The following MYO5A variants were observed in gnomAD, a reference collection of about 807,000 sequenced individuals.
The protein encoded by MYO5A is unconventional myosin-Va.
In MYO5A, 98 loss-of-function variants were observed where a neutral mutation model predicts 249.7. The ratio of observed to expected loss-of-function variants is 0.39; its 90% CI spans 0.33 to 0.46. MYO5A has a LOEUF of 0.46. Ranked by LOEUF, MYO5A falls within the 20% of genes least tolerant of loss-of-function variation. The pLI, the probability that MYO5A is intolerant of heterozygous loss-of-function variation, is 0.98. For synonymous variants in MYO5A, 778 were observed against 810.6 expected (o/e 0.96, Z 0.68); for missense variants, 1,696 against 2,308.8 (o/e 0.73, Z 5.44).
intron 3 of MYO5A, among the ~76,000 whole-genome samples, chr15:52,426,602 A>C (rs1310610274): frequency 1.3e-5 from 2 of 152,122 alleles, no homozygotes; most frequent in Non-Finnish European, 2.9e-5. Flanking sequence ...AGCTGGGACT[A>C]TGGACACGCA....
At chr15:52,320,018 AG>A (rs2038225554) in intron 38 of MYO5A, among the ~76,000 whole-genome samples, 1 of 152,200 alleles carries the variant, frequency 6.6e-6, no homozygotes, top group Non-Finnish European at 1.5e-5. Context: ...AGGCAAAAAC[AG>A]TAAGAAAAGC....
chr15:52,380,076 T>C (rs2041652737), intron 16 of MYO5A, among the ~76,000 whole-genome samples, 168 bp from the exon 17 acceptor site: 1 of 152,048 alleles, frequency 6.6e-6, no homozygotes, highest in Non-Finnish European at 1.5e-5. Flanking sequence ...TATGAGAGAA[T>C]GGGGAGGAGA....
intron 25 of MYO5A, among the ~76,000 whole-genome samples, chr15:52,356,602 A>T (rs1257677978): frequency 6.6e-6 from 1 of 151,800 alleles, no homozygotes; most frequent in Non-Finnish European, 1.5e-5. Flanking sequence ...ATATTACTAA[A>T]ATAAACACCC....
chr15:52,346,261 A>C (rs1464619930), intron 30 of MYO5A, 100 bp downstream of exon 30: 6 of 745,530 alleles, frequency 8.0e-6, no homozygotes, highest in Non-Finnish European at 7.0e-6. Context: ...AATGTCTAAT[A>C]TAAAGGAATG....
chr15:52,436,778 G>T (rs941345737), intron 1 of MYO5A, among the ~76,000 whole-genome samples: 2 of 152,192 alleles, frequency 1.3e-5, no homozygotes, highest in African/African-American at 4.8e-5. Flanking sequence ...TAAGTAGCAT[G>T]ATTAAAAGCT....
chr15:52,321,616 A>G, intron 37 of MYO5A, 107 bp from the exon 38 acceptor site: 1 of 1,272,876 alleles, frequency 7.9e-7, no homozygotes, highest in Non-Finnish European at 1.1e-6. Context: ...GCTCTGTCCA[A>G]GGAGCTTCCC....
intron 9 of MYO5A, among the ~76,000 whole-genome samples, chr15:52,397,815 A>C (rs1269090781): frequency 6.6e-6 from 1 of 152,240 alleles, no homozygotes; most frequent in Admixed American, 6.5e-5. Flanking sequence ...AGAAAACAAA[A>C]ACAAACATGG....
chr15:52,418,421 A>G (rs941243149), intron 4 of MYO5A, among the ~76,000 whole-genome samples: 1 of 152,212 alleles, frequency 6.6e-6, no homozygotes, highest in Non-Finnish European at 1.5e-5. Context: ...GTCATAGTCA[A>G]TTGAGAGAGA....
upstream of MYO5A, chr15:52,528,892 G>A (rs1034830133): frequency 8.7e-6 from 11 of 1,264,402 alleles, no homozygotes; most frequent in African/African-American, 1.1e-4. Flanking sequence ...GGAAGCGCCC[G>A]CAGCCGCCGG....
chr15:52,341,560 T>C (rs931099578), intron 31 of MYO5A, among the ~76,000 whole-genome samples: 5 of 152,214 alleles, frequency 3.3e-5, no homozygotes, highest in African/African-American at 1.2e-4. Context: ...AACTAACTAA[T>C]GTGAAGAAAG....
chr15:52,359,822 G>C, intron 25 of MYO5A, 146 bp downstream of exon 25: 1 of 663,460 alleles, frequency 1.5e-6, no homozygotes, highest in East Asian at 2.9e-5. Flanking sequence ...AAATAAGTTT[G>C]TATCTACAAG....
At position 52,416,223 on chromosome 15, in the gene MYO5A, T is replaced by G. The variant is rs748268948; in HGVS notation, c.534A>C (p.Arg178=). The G allele has an allele frequency of 2.5e-6, 4 of 1,614,092 alleles. No homozygotes were observed. The highest frequency in any genetic ancestry group is 3.3e-4 in the Middle Eastern group (2 of 6,060). ...CAGAACCACTCACAGTTGCAAAGTA[T>G]CGCATGGCATACTTAGCTGAGACTG... The part of the protein sequence containing the change: ...GKTVSAKYAM[R]YFATVSGSAS... Residue 178 remains arginine, a synonymous_variant, in exon 5 of 42, where the codon CGA becomes CGC. Coordinates refer to ENST00000399233, the MANE Select transcript of MYO5A (RefSeq NM_001382347.1).
intron 4 of MYO5A, among the ~76,000 whole-genome samples, chr15:52,423,026 A>T (rs1183900435): frequency 5.3e-5 from 8 of 152,124 alleles, no homozygotes; most frequent in Admixed American, 5.2e-4. Flanking sequence ...CCCAGCTAAT[A>T]GTTTTATTGT....
chr15:52,420,339 G>C (rs2043728297), intron 4 of MYO5A, among the ~76,000 whole-genome samples: 1 of 151,656 alleles, frequency 6.6e-6, no homozygotes, highest in Non-Finnish European at 1.5e-5. Context: ...TAGGTCGTGA[G>C]GGCTCTGCCC....
Position 52,313,402 on chromosome 15 carries a change from C to G in MYO5A, c.*294G>C. The G allele has an allele frequency of 2.5e-6, 1 of 397,896 alleles. No homozygotes were observed. Among genetic ancestry groups the G allele is most frequent in the Non-Finnish European group, 4.7e-6 (1 of 211,950 alleles). 24.6% of individuals were successfully genotyped at this position (397,896 alleles called of 1,614,324 possible). On this transcript the variant is annotated 3_prime_UTR_variant, in exon 42 of 42. Transcript: ENST00000399233. ...AAATAAATGCTGCCAGCTGAAGACA[C>G]ATTTTTCTCCTCCTTTCCTTCCTCC...
At chr15:52,404,101 AC>A (rs2042885922) in intron 9 of MYO5A, among the ~76,000 whole-genome samples, 2 of 152,176 alleles carry the variant, frequency 1.3e-5, no homozygotes, top group Admixed American at 6.5e-5. Flanking sequence ...CCCCATCTCT[AC>A]TAAAAATAAA....
At chr15:52,469,096 T>C (rs2453983) in intron 1 of MYO5A, among the ~76,000 whole-genome samples, 18,009 of 152,190 alleles carry the variant, frequency 0.12, 1,313 homozygotes, top group South Asian at 0.17. Context: ...AAGTGAAAAA[T>C]TGGAAATTAC....
chr15:52,454,218 T>C (rs769802358), intron 1 of MYO5A, among the ~76,000 whole-genome samples: 18 of 152,246 alleles, frequency 1.2e-4, no homozygotes, highest in Non-Finnish European at 2.4e-4. Flanking sequence ...GTAGCTATAC[T>C]TGTATCAGAT....
At chr15:52,521,828 C>G (rs1293300243) in intron 1 of MYO5A, among the ~76,000 whole-genome samples, 1 of 152,158 alleles carries the variant, frequency 6.6e-6, no homozygotes, top group Non-Finnish European at 1.5e-5. Flanking sequence ...TAGGTTGTAT[C>G]AGCACAAACT....
Sources: gnomAD v4.1 joint callset for allele counts (sites outside exome capture counted in the v4.1 genomes callset) on GRCh38, gnomAD v4.1.1 for gene constraint, MANE v1.5 for transcripts, NCBI Gene and HGNC (gene_info 2026-07-23, HGNC 2026-07-21) for gene names.